FSTL5: variants seen among roughly 807,000 people sequenced by gnomAD.
The protein encoded by FSTL5 is follistatin like 5.
Under a neutral mutation model 89.1 loss-of-function variants are expected in FSTL5, and 62 were observed. The observed-to-expected ratio is 0.70, with a 90% CI of 0.57 to 0.86. The LOEUF is 0.86. FSTL5 is among the 40% of genes least tolerant of loss of function. The pLI is 0.00. For missense variants in FSTL5, 1,057 were observed against 1,001.6 expected, an observed-to-expected ratio of 1.06 and a Z score of -0.75; for synonymous variants, 383 against 346.2, an observed-to-expected ratio of 1.11 and a Z score of -1.18.
In FSTL5 at chr4:161,968,153, A is replaced by G. The variant is rs368714277; in HGVS notation, c.161-47501T>C. On this transcript the variant is annotated intron_variant, in intron 3 of 15. Coordinates refer to ENST00000306100, the MANE Select transcript of FSTL5 (RefSeq NM_020116.5). ...TAGTAATCAGTTTATTTTGCCACAC[A>G]TCAATTTCCTCATCTGTAAAACATA... is the stretch of plus-strand genomic sequence containing the variant. Among the ~76,000 whole-genome samples, 36 of 152,180 alleles carry G rather than the reference A, an allele frequency of 2.4e-4. No homozygotes were observed. The South Asian group carries it at 5.4e-3, about 23-fold the overall frequency.
At chr4:162,093,167 G>A (rs918361839) in intron 2 of FSTL5, among the ~76,000 whole-genome samples, 7 of 152,026 alleles carry the variant, frequency 4.6e-5, no homozygotes, top group African/African-American at 9.7e-5. Context: ...AATGAGAAGC[G>A]TAGTGATAGC....
At chr4:162,054,512 A>G (rs1738476787) in intron 2 of FSTL5, among the ~76,000 whole-genome samples, 1 of 151,910 alleles carries the variant, frequency 6.6e-6, no homozygotes. Context: ...GATAAAGTAT[A>G]TACTTGTTAA....
intron 2 of FSTL5, among the ~76,000 whole-genome samples, chr4:162,041,623 T>C (rs1458548366): frequency 1.3e-5 from 2 of 152,146 alleles, no homozygotes; most frequent in Non-Finnish European, 2.9e-5. Flanking sequence ...TATATTCATA[T>C]TGTATTTGCT....
intron 15 of FSTL5, among the ~76,000 whole-genome samples, chr4:161,430,299 A>G (rs1321302084): frequency 6.6e-6 from 1 of 151,972 alleles, no homozygotes; most frequent in African/African-American, 2.4e-5. Context: ...GAGTAGGTAG[A>G]GAGAGAGAGA....
chr4:161,862,367 G>C (rs561888135), intron 4 of FSTL5, among the ~76,000 whole-genome samples: 1 of 152,252 alleles, frequency 6.6e-6, no homozygotes, highest in East Asian at 1.9e-4. Flanking sequence ...ACCAAAATTA[G>C]GCAGGCAAAG....
At chr4:161,865,687 A>AT (rs1232941016) in intron 4 of FSTL5, among the ~76,000 whole-genome samples, 1 of 151,920 alleles carries the variant, frequency 6.6e-6, no homozygotes, top group African/African-American at 2.4e-5. Context: ...TTCTGCCTTG[A>AT]TTTTAATTAC....
intron 6 of FSTL5, among the ~76,000 whole-genome samples, chr4:161,691,843 C>T (rs762237328): frequency 2.6e-5 from 4 of 152,060 alleles, no homozygotes; most frequent in Non-Finnish European, 5.9e-5. Context: ...AGAAGCACCA[C>T]TAATTTTTGT....
At chr4:161,897,823 T>C (rs953970462) in intron 4 of FSTL5, among the ~76,000 whole-genome samples, 1 of 151,308 alleles carries the variant, frequency 6.6e-6, no homozygotes, top group Non-Finnish European at 1.5e-5. Context: ...ATATACATCA[T>C]CACAGTATCA....
intron 7 of FSTL5, among the ~76,000 whole-genome samples, chr4:161,609,706 G>C (rs1163412086): frequency 6.6e-6 from 1 of 151,932 alleles, no homozygotes; most frequent in Non-Finnish European, 1.5e-5. Flanking sequence ...ATGGATCAGA[G>C]ACAAGGTATA....
chr4:161,719,368 T>C (rs2126748888), intron 6 of FSTL5, among the ~76,000 whole-genome samples: 1 of 152,292 alleles, frequency 6.6e-6, no homozygotes, highest in Admixed American at 6.5e-5. Context: ...TTTAATGGCA[T>C]TTTTTGACAT....
chr4:161,576,195 C>T (rs1410951407), intron 8 of FSTL5, among the ~76,000 whole-genome samples: 1 of 152,160 alleles, frequency 6.6e-6, no homozygotes, highest in Non-Finnish European at 1.5e-5. Flanking sequence ...GAAAAACATT[C>T]CATGCTCATA....
intron 8 of FSTL5, among the ~76,000 whole-genome samples, chr4:161,550,909 G>A (rs372908007): frequency 3.0e-4 from 45 of 151,790 alleles, no homozygotes; most frequent in Admixed American, 8.5e-4. Flanking sequence ...CAAAGGACAC[G>A]AACTCATCAT....
rs58684881 is a variant in FSTL5 at position 161,475,027 on chromosome 4, C to CT, written c.1608+5992dup. Among the ~76,000 whole-genome samples the CT allele has an allele frequency of 6.5e-3, 846 of 129,382 alleles. 5 individuals carry two copies. The highest frequency in any genetic ancestry group is 0.012 in the East Asian group (52 of 4,394). The allele number at this position is 129,382 out of a possible 152,430, so 84.9% of individuals were successfully genotyped here. ...TGTGGGATATAGGATCCTTGATTGGCTTTTTTTTTTTTTTTTGTCTTGTAG... is the reference window on the plus strand; with the variant it reads ...TGTGGGATATAGGATCCTTGATTGGCTTTTTTTTTTTTTTTTTGTCTTGTAG... On this transcript the variant is annotated intron_variant, in intron 13 of 15. Coordinates refer to ENST00000306100, the MANE Select transcript of FSTL5 (RefSeq NM_020116.5).
At chr4:161,602,370 A>G (rs1427349679) in intron 7 of FSTL5, among the ~76,000 whole-genome samples, 3 of 152,054 alleles carry the variant, frequency 2.0e-5, no homozygotes, top group Non-Finnish European at 4.4e-5. Context: ...GAATCTGAAT[A>G]TAGGTGAATG....
chr4:161,682,834 C>T (rs541776115), intron 6 of FSTL5, among the ~76,000 whole-genome samples: 2 of 152,164 alleles, frequency 1.3e-5, no homozygotes, highest in East Asian at 3.9e-4. Flanking sequence ...GCAACCTCCT[C>T]CTCCTGGGTT....
At chr4:161,868,651 G>T (rs1427303979) in intron 4 of FSTL5, among the ~76,000 whole-genome samples, 1 of 152,264 alleles carries the variant, frequency 6.6e-6, no homozygotes, top group East Asian at 1.9e-4. Flanking sequence ...TAGCATAAGT[G>T]GTTGTACCTT....
At chr4:162,012,343 CATT>C (rs1383807444) in intron 3 of FSTL5, among the ~76,000 whole-genome samples, 2 of 152,134 alleles carry the variant, frequency 1.3e-5, no homozygotes, top group Non-Finnish European at 2.9e-5. Flanking sequence ...TTTTAATAAT[CATT>C]ATTCCAACTG....
intron 7 of FSTL5, among the ~76,000 whole-genome samples, chr4:161,633,898 A>G (rs979590369): frequency 6.6e-6 from 1 of 152,186 alleles, no homozygotes; most frequent in Non-Finnish European, 1.5e-5. Flanking sequence ...TAATTTGAAA[A>G]AGATATGTTA....
chr4:161,766,212 A>G (rs1740993850), intron 5 of FSTL5, among the ~76,000 whole-genome samples: 1 of 152,204 alleles, frequency 6.6e-6, no homozygotes, highest in Non-Finnish European at 1.5e-5. Flanking sequence ...CAAGGGAATG[A>G]CTTTGCTCAC....
Sources: allele counts gnomAD v4.1 joint callset (sites outside exome capture counted in the v4.1 genomes callset), GRCh38; gene constraint gnomAD v4.1.1; transcripts MANE v1.5; gene names NCBI Gene and HGNC (gene_info 2026-07-23, HGNC 2026-07-21).